PLCH1: variants seen among roughly 807,000 people sequenced by gnomAD.
PLCH1 encodes phospholipase C eta 1.
Under a neutral mutation model 126.7 loss-of-function variants are expected in PLCH1, and 60 were observed. The ratio of observed to expected loss-of-function variants is 0.47; its 90% CI spans 0.38 to 0.59. The LOEUF is 0.59. Among genes scored for constraint, PLCH1 ranks in the 20% least tolerant of loss-of-function variants. The pLI is 0.00. For missense variants in PLCH1, 1,723 were observed against 2,040.0 expected, an observed-to-expected ratio of 0.84 and a Z score of 2.99; for synonymous variants, 719 against 734.9, an observed-to-expected ratio of 0.98 and a Z score of 0.35.
chr3:155,648,908 C>T (rs1442360720), intron 2 of PLCH1, among the ~76,000 whole-genome samples: 2 of 152,154 alleles, frequency 1.3e-5, no homozygotes, highest in Non-Finnish European at 2.9e-5. Flanking sequence ...ACCAGCATTG[C>T]CAGAGTGCTG....
At chr3:155,527,417 T>A (rs4679748) in intron 10 of PLCH1, among the ~76,000 whole-genome samples, 1 of 152,128 alleles carries the variant, frequency 6.6e-6, no homozygotes, top group African/African-American at 2.4e-5. Context: ...AGCTTAGTCA[T>A]ATTTTCGGAG....
At chr3:155,666,035 C>G (rs1417957819) in intron 2 of PLCH1, among the ~76,000 whole-genome samples, 5 of 152,188 alleles carry the variant, frequency 3.3e-5, no homozygotes, top group Non-Finnish European at 7.4e-5. Flanking sequence ...TATAGATGTG[C>G]TATCATTTTT....
chr3:155,626,330 C>T (rs11707218), intron 2 of PLCH1, among the ~76,000 whole-genome samples: 73,820 of 151,898 alleles, frequency 0.49, 20,321 homozygotes, highest in African/African-American at 0.74. Flanking sequence ...AAATAAGACA[C>T]ATATTTCAAT....
chr3:155,598,141 G>A (rs1371748232), intron 2 of PLCH1, among the ~76,000 whole-genome samples: 1 of 151,848 alleles, frequency 6.6e-6, no homozygotes, highest in Non-Finnish European at 1.5e-5. Flanking sequence ...GTGAGATCAC[G>A]CCATTGCACT....
At chr3:155,709,229 G>A (rs532954919) in intron 1 of PLCH1, among the ~76,000 whole-genome samples, 47 of 152,278 alleles carry the variant, frequency 3.1e-4, no homozygotes, top group African/African-American at 1.0e-3. Context: ...TATAAATACA[G>A]ATCCTGCAAA....
At chr3:155,676,108 C>G in intron 2 of PLCH1, 2 of 1,417,398 alleles carry the variant, frequency 1.4e-6, no homozygotes, top group Non-Finnish European at 1.9e-6. Context: ...AAGCCTTTTC[C>G]TGATACACAT....
chr3:155,496,740 G>A (rs1717094142), intron 15 of PLCH1, among the ~76,000 whole-genome samples: 2 of 152,140 alleles, frequency 1.3e-5, no homozygotes, highest in South Asian at 2.1e-4. Flanking sequence ...TAACTAGCAG[G>A]AAAGCCAAGG....
chr3:155,471,606 C>G (rs1217268718), intron 21 of PLCH1, among the ~76,000 whole-genome samples: 1 of 147,200 alleles, frequency 6.8e-6, no homozygotes, highest in African/African-American at 2.5e-5. Flanking sequence ...CTCTCCACCC[C>G]AAATCAACAG....
intron 2 of PLCH1, among the ~76,000 whole-genome samples, chr3:155,620,022 C>T (rs11715281): frequency 2.6e-5 from 4 of 152,168 alleles, no homozygotes; most frequent in Non-Finnish European, 4.4e-5. Context: ...TGCTGAGTAA[C>T]TAAGTGTTCA....
intron 6 of PLCH1, among the ~76,000 whole-genome samples, chr3:155,579,701 T>C (rs1392261106): frequency 6.6e-6 from 1 of 152,228 alleles, no homozygotes; most frequent in Non-Finnish European, 1.5e-5. Context: ...GCATTAAAAC[T>C]GGTTCCTACT....
At chr3:155,566,896 G>C (rs1728606232) in intron 7 of PLCH1, among the ~76,000 whole-genome samples, 2 of 152,028 alleles carry the variant, frequency 1.3e-5, no homozygotes, top group Admixed American at 1.3e-4. Context: ...TATCCTCAGA[G>C]ACTTAATTTC....
chr3:155,578,846 A>G (rs574812423), intron 6 of PLCH1, among the ~76,000 whole-genome samples: 2 of 152,252 alleles, frequency 1.3e-5, no homozygotes, highest in African/African-American at 4.8e-5. Flanking sequence ...TTCCACCCAT[A>G]AAACCTAGGA....
chr3:155,622,601 A>AT (rs1736663399), intron 2 of PLCH1, among the ~76,000 whole-genome samples: 1 of 148,082 alleles, frequency 6.8e-6, no homozygotes, highest in Non-Finnish European at 1.5e-5. Context: ...AAAAAAAAAA[A>AT]GCAGGGGTTG....
chr3:155,492,355 G>C (rs1716339563), intron 18 of PLCH1, among the ~76,000 whole-genome samples: 1 of 152,188 alleles, frequency 6.6e-6, no homozygotes, highest in Admixed American at 6.5e-5. Context: ...ATGTGCAGCA[G>C]GGAGGAGCAT....
chr3:155,619,498 T>TTA (rs200522384), intron 2 of PLCH1, among the ~76,000 whole-genome samples: 11,429 of 133,466 alleles, frequency 0.086, 514 homozygotes, highest in Middle Eastern at 0.14. Flanking sequence ...ACAGAAAAAG[T>TTA]AAAAAAAAAA....
rs532972846 is a variant in PLCH1 at position 155,548,954 on chromosome 3, G to C, written c.1362+833C>G. 6.0e-4 allele frequency among the ~76,000 whole-genome samples: 92 copies of C among 152,168 alleles called. 2 individuals are homozygous for C. The Middle Eastern group carries it at 0.017, about 28-fold the overall frequency. On this transcript the variant is annotated intron_variant, in intron 10 of 22. Transcript: ENST00000460012. ...ATTACATTGCCTCCTTGACTTTCCTGCTCCTCCTATATATTTGTTTTTTCA... is the reference window on the plus strand; with the variant it reads ...ATTACATTGCCTCCTTGACTTTCCTCCTCCTCCTATATATTTGTTTTTTCA...
intron 2 of PLCH1, among the ~76,000 whole-genome samples, chr3:155,683,578 T>A (rs193205248): frequency 6.6e-6 from 1 of 152,178 alleles, no homozygotes; most frequent in Non-Finnish European, 1.5e-5. Context: ...TTGGGTGCCA[T>A]GAACTCATAT....
chr3:155,603,779 T>A (rs1036762265), intron 2 of PLCH1, among the ~76,000 whole-genome samples: 1 of 151,934 alleles, frequency 6.6e-6, no homozygotes, highest in Non-Finnish European at 1.5e-5. Flanking sequence ...CAGACATGAT[T>A]TTTTTTTAAT....
intron 1 of PLCH1, among the ~76,000 whole-genome samples, chr3:155,709,031 C>G (rs1161611799): frequency 6.6e-6 from 1 of 152,196 alleles, no homozygotes; most frequent in Non-Finnish European, 1.5e-5. Context: ...TGGAATCACA[C>G]AGTACATAGC....
Sources: gnomAD v4.1 joint callset for allele counts (sites outside exome capture counted in the v4.1 genomes callset) on GRCh38, gnomAD v4.1.1 for gene constraint, MANE v1.5 for transcripts, NCBI Gene and HGNC (gene_info 2026-07-23, HGNC 2026-07-21) for gene names.